The following NBAS variants were observed in gnomAD, a reference collection of about 807,000 sequenced individuals.
NBAS encodes the protein NAG/BC035112 fusion.
A neutral mutation model predicts 302.5 loss-of-function variants in NBAS; 219 were observed. The observed-to-expected ratio is 0.72, with a 90% confidence interval of 0.65 to 0.81. The LOEUF is 0.81. Ranked by LOEUF, NBAS falls within the 30% of genes least tolerant of loss-of-function variation. NBAS has a pLI of 0.00. For missense variants in NBAS, 2,932 were observed against 2,841.6 expected, an observed-to-expected ratio of 1.03 and a Z score of -0.72; for synonymous variants, 1,118 against 1,021.6, an observed-to-expected ratio of 1.09 and a Z score of -1.80.
intron 6 of NBAS, among the ~76,000 whole-genome samples, chr2:15,548,311 A>T (rs140190128): frequency 2.0e-5 from 3 of 152,214 alleles, no homozygotes; most frequent in Admixed American, 2.0e-4. Context: ...AATAATTTAC[A>T]ATCTAATTGG....
At chr2:15,354,631 G>A (rs1243146684) in intron 33 of NBAS, among the ~76,000 whole-genome samples, 1 of 152,202 alleles carries the variant, frequency 6.6e-6, no homozygotes, top group Non-Finnish European at 1.5e-5. Context: ...TGCTGAAGTT[G>A]TAATATATTG....
chr2:15,341,773 C>G (rs1672864655), intron 35 of NBAS, among the ~76,000 whole-genome samples: 1 of 152,136 alleles, frequency 6.6e-6, no homozygotes, highest in Admixed American at 6.6e-5. Flanking sequence ...ATGATTCACA[C>G]TCCTGCATAT....
intron 21 of NBAS, among the ~76,000 whole-genome samples, chr2:15,437,850 A>G (rs1014270772): frequency 2.0e-5 from 3 of 152,230 alleles, no homozygotes; most frequent in Non-Finnish European, 4.4e-5. Flanking sequence ...AACAATTGAG[A>G]CACAAAGTGC....
intron 25 of NBAS, among the ~76,000 whole-genome samples, chr2:15,406,819 A>T (rs1676438706): frequency 6.6e-6 from 1 of 152,220 alleles, no homozygotes; most frequent in South Asian, 2.1e-4. Context: ...GAAAAGCACA[A>T]ATTGAAACAA....
At chr2:15,316,771 C>T (rs1057077013) in intron 38 of NBAS, among the ~76,000 whole-genome samples, 1 of 152,224 alleles carries the variant, frequency 6.6e-6, no homozygotes, top group African/African-American at 2.4e-5. Flanking sequence ...ACTACTGCCT[C>T]TACAGACTCC....
At chr2:15,045,816 G>T in the NBAS span, among the ~76,000 whole-genome samples, 2 of 152,142 alleles carry the variant, frequency 1.3e-5, no homozygotes, top group Non-Finnish European at 2.9e-5. Context: ...ATACTAATTT[G>T]CATTCCCACT....
chr2:14,988,544 G>A, the NBAS span, among the ~76,000 whole-genome samples: 1 of 152,268 alleles, frequency 6.6e-6, no homozygotes, highest in Admixed American at 6.5e-5. Flanking sequence ...AGTTCACTGT[G>A]TCATAGTTCC....
At chr2:15,043,155 T>C in the NBAS span, among the ~76,000 whole-genome samples, 125,214 of 152,146 alleles carry the variant, frequency 0.82, 51,874 homozygotes, top group East Asian at 0.99. Context: ...GGGTCATCTC[T>C]GTAATCTGTG....
chr2:15,278,159 T>A (rs942070411), intron 42 of NBAS, among the ~76,000 whole-genome samples: 1 of 152,198 alleles, frequency 6.6e-6, no homozygotes, highest in Non-Finnish European at 1.5e-5. Context: ...AAAGTTAGTA[T>A]AAATCATGTT....
At chr2:15,436,903 GGATA>G (rs1470516206) in intron 21 of NBAS, among the ~76,000 whole-genome samples, 2 of 152,086 alleles carry the variant, frequency 1.3e-5, no homozygotes, top group Non-Finnish European at 2.9e-5. Context: ...TTTAATAGAT[GGATA>G]GATAGACAGG....
At chr2:14,952,284 C>G in the NBAS span, among the ~76,000 whole-genome samples, 1 of 152,238 alleles carries the variant, frequency 6.6e-6, no homozygotes, top group Non-Finnish European at 1.5e-5. Flanking sequence ...AGGAGAGAGG[C>G]TGTAGAAGAG....
the NBAS span, among the ~76,000 whole-genome samples, chr2:15,106,257 G>A: frequency 1.3e-5 from 2 of 152,058 alleles, no homozygotes; most frequent in Admixed American, 1.3e-4. Flanking sequence ...AGCACCTTGG[G>A]GTGAGGAAGA....
rs377337564 is a variant in NBAS at position 15,554,090 on chromosome 2, T to C, written c.258A>G (p.Lys86=). 1.5e-4 allele frequency: 244 copies of C among 1,613,874 alleles called. No individual in the cohort carries two copies. Among genetic ancestry groups the C allele is most frequent in the Non-Finnish European group, 2.0e-4 (236 of 1,179,958 alleles). Residue 86 remains lysine, a synonymous_variant, in exon 4 of 52, where the codon AAA becomes AAG. Coordinates refer to ENST00000281513, the MANE Select transcript of NBAS (RefSeq NM_015909.4). ...LPDGLVRLVN[K]QINWHLVLAS... Reference sequence around the variant, plus strand: ...CAAGTACCAAATGCCAGTTTATCTGTTTATTAACCAAGCGAACCAGTCCAT... The same window carrying C: ...CAAGTACCAAATGCCAGTTTATCTGCTTATTAACCAAGCGAACCAGTCCAT...
At chr2:15,440,563 A>G (rs900296939) in intron 21 of NBAS, among the ~76,000 whole-genome samples, 1 of 152,188 alleles carries the variant, frequency 6.6e-6, no homozygotes, top group African/African-American at 2.4e-5. Flanking sequence ...TGGGGAAAAA[A>G]CAGAGCAGAA....
intron 47 of NBAS, among the ~76,000 whole-genome samples, chr2:15,219,343 T>A (rs1341674961): frequency 2.0e-5 from 3 of 150,762 alleles, no homozygotes; most frequent in Non-Finnish European, 3.0e-5. Context: ...TTTTTTTTTT[T>A]ATTGATCATT....
At chr2:15,428,684 A>G (rs950040987) in intron 21 of NBAS, among the ~76,000 whole-genome samples, 2 of 152,176 alleles carry the variant, frequency 1.3e-5, no homozygotes, top group African/African-American at 4.8e-5. Flanking sequence ...TTGAGACTGC[A>G]GTAAGCCATG....
chr2:14,797,474 T>A, the NBAS span, among the ~76,000 whole-genome samples: 1 of 152,154 alleles, frequency 6.6e-6, no homozygotes, highest in Non-Finnish European at 1.5e-5. Flanking sequence ...CTGAATGAGC[T>A]GTTAACACGC....
In NBAS at chr2:15,240,988, G is replaced by C. The variant is rs967616485; in HGVS notation, c.5725-2302C>G. Among the ~76,000 whole-genome samples the C allele has an allele frequency of 2.0e-5, 3 of 152,048 alleles. No homozygotes were observed. In the East Asian group the frequency reaches 5.8e-4, roughly 29 times the overall value. ...TCCAGGAGGCTCAGTGGCATGTTAG[G>C]GGTCATCGTGTACAAGAGAAGAGTA... On this transcript the variant is annotated intron_variant, in intron 44 of 51. Transcript: ENST00000281513.
chr2:15,348,112 T>G (rs16862522), intron 35 of NBAS, among the ~76,000 whole-genome samples: 1 of 152,180 alleles, frequency 6.6e-6, no homozygotes, highest in African/African-American at 2.4e-5. Flanking sequence ...CGGCATCTTA[T>G]AGCTAAGCAC....
Sources: allele counts gnomAD v4.1 joint callset (sites outside exome capture counted in the v4.1 genomes callset), GRCh38; gene constraint gnomAD v4.1.1; transcripts MANE v1.5; gene names NCBI Gene and HGNC (gene_info 2026-07-23, HGNC 2026-07-21).